NIBAN3: variants seen among roughly 807,000 people sequenced by gnomAD.
The protein encoded by NIBAN3 is niban apoptosis regulator 3.
In NIBAN3, 66 loss-of-function variants were observed where a neutral mutation model predicts 76.4. That is an observed-to-expected ratio of 0.86 (90% CI 0.71 to 1.06). The LOEUF is 1.06. Among genes scored for constraint, NIBAN3 ranks in the 50% least tolerant of loss-of-function variants. The probability of loss-of-function intolerance (pLI) is 0.00; values close to 1 mark genes in which losing one functional copy is unlikely to be tolerated. For missense variants in NIBAN3, 808 were observed against 810.7 expected, an observed-to-expected ratio of 1.00 and a Z score of 0.04; for synonymous variants, 360 against 355.2, an observed-to-expected ratio of 1.01 and a Z score of -0.15.
At chr19:17,550,297 C>T (rs761274726) in intron 14 of NIBAN3, among the ~76,000 whole-genome samples, 1 of 152,164 alleles carries the variant, frequency 6.6e-6, no homozygotes, top group Non-Finnish European at 1.5e-5. Context: ...CTAACTAATA[C>T]ACTTCCTAGC....
At chr19:17,551,253 G>A in intron 14 of NIBAN3, among the ~76,000 whole-genome samples, 1 of 151,256 alleles carries the variant, frequency 6.6e-6, no homozygotes, top group Admixed American at 6.6e-5. Flanking sequence ...CCACCACCAC[G>A]CCCGGCTACT....
Position 17,549,779 on chromosome 19 carries a change from G to C in NIBAN3, c.1750+252G>C, listed in dbSNP as rs923176237. 5 of 564,922 alleles carry C rather than the reference G, an allele frequency of 8.9e-6. No homozygotes were observed. The African/African-American group carries it at 9.4e-5, about 11-fold the overall frequency. 35.0% of individuals were successfully genotyped at this position (564,922 alleles called of 1,614,324 possible). On this transcript the variant is annotated intron_variant, in intron 14 of 14. Coordinates refer to ENST00000599164, the MANE Select transcript of NIBAN3 (RefSeq NM_001321827.2). ...ATGCATGTGAGCTCAGCCCTGGGGG[G>C]CTGAGATTGTGGTGAATTTGTGTCC...
chr19:17,555,493 C>A (rs1215719716), downstream of NIBAN3: 1 of 296,162 alleles, frequency 3.4e-6, no homozygotes, highest in Non-Finnish European at 5.7e-6. Flanking sequence ...GCGCTATGTG[C>A]CTTTAAGATC....
chr19:17,535,487 C>T (rs2075809094), intron 4 of NIBAN3, among the ~76,000 whole-genome samples: 1 of 152,080 alleles, frequency 6.6e-6, no homozygotes, highest in South Asian at 2.1e-4. Context: ...AACCTGGGTG[C>T]GGTGGCTCAT....
At chr19:17,530,477 G>A (rs2075698529) in intron 1 of NIBAN3, among the ~76,000 whole-genome samples, 1 of 144,308 alleles carries the variant, frequency 6.9e-6, no homozygotes, top group African/African-American at 2.6e-5. Context: ...AGGTTGCAGT[G>A]AGCTGAGATC....
intron 9 of NIBAN3, among the ~76,000 whole-genome samples, chr19:17,541,453 T>A (rs1396836822): frequency 6.6e-6 from 1 of 151,974 alleles, no homozygotes; most frequent in African/African-American, 2.4e-5. Context: ...CTCCCCTAAT[T>A]TGTAAGCAGA....
chr19:17,531,030 G>T, intron 2 of NIBAN3, 145 bp downstream of exon 2: 4 of 1,017,546 alleles, frequency 3.9e-6, no homozygotes, highest in Non-Finnish European at 5.4e-6. Flanking sequence ...CATTCACTGA[G>T]CAGCCAAGCA....
At chr19:17,526,353 G>A (rs925201688), upstream of NIBAN3, among the ~76,000 whole-genome samples, 1 of 151,468 alleles carries the variant, frequency 6.6e-6, no homozygotes, top group Non-Finnish European at 1.5e-5. Flanking sequence ...CACTTAAAAC[G>A]TGAAATATGC....
chr19:17,540,252 C>T, intron 8 of NIBAN3, 140 bp from the exon 9 acceptor site: 1 of 568,912 alleles, frequency 1.8e-6, no homozygotes, highest in Non-Finnish European at 2.8e-6. Context: ...CCCTCCGAGG[C>T]TCAGTTTTCT....
rs1019657009 is a variant in NIBAN3, at chr19:17,551,977, CTT to C, written c.*81_*82del. The C allele has an allele frequency of 9.8e-5, 65 of 664,564 alleles. No individual in the cohort carries two copies. In the African/African-American group the frequency reaches 1.1e-3, roughly 11 times the overall value. 41.2% of individuals were successfully genotyped at this position (664,564 alleles called of 1,614,324 possible). A position where few individuals can be genotyped will look rare whatever the true frequency, so the allele number is the denominator to read the frequency against. ...TTCTGGGCCAAAACGGATGTGCCAT[CTT>C]TAGGCTTTTGTAACCCCTGCAACTT... On this transcript the variant is annotated 3_prime_UTR_variant, in exon 15 of 15. Transcript: ENST00000599164.
intron 9 of NIBAN3, 110 bp downstream of exon 9, chr19:17,540,692 G>A (rs1172070628): frequency 1.2e-6 from 1 of 849,438 alleles, no homozygotes; most frequent in African/African-American, 1.8e-5. Flanking sequence ...TTTACTTATT[G>A]TGGACCCATC....
upstream of NIBAN3, among the ~76,000 whole-genome samples, chr19:17,526,545 G>C (rs1441453613): frequency 2.6e-5 from 4 of 151,906 alleles, no homozygotes; most frequent in Non-Finnish European, 5.9e-5. Flanking sequence ...CTACTCTGGA[G>C]GCTGAAGTGA....
rs1329470594 is a variant in NIBAN3, at chr19:17,533,707, G to T, written c.427+6G>T. ...TCTCTGCCCTGAATCCTTGGGTAAG[G>T]GTCCCGGGGTTCCCAGGAACAGGTT... On this transcript the variant is annotated splice_donor_region_variant and intron_variant, in intron 4 of 14. Transcript: ENST00000599164. 2 of 1,605,578 alleles carry T rather than the reference G, an allele frequency of 1.2e-6. No homozygotes were observed. Among genetic ancestry groups the T allele is most frequent in the Admixed American group, 3.3e-5 (2 of 59,952 alleles).
chr19:17,540,603 G>A, intron 9 of NIBAN3, 21 bp downstream of exon 9: 6 of 1,445,306 alleles, frequency 4.2e-6, no homozygotes, highest in South Asian at 1.4e-5. Flanking sequence ...GTGGGTAGGG[G>A]TTCAGTGAGC....
chr19:17,527,395 G>T lies in NIBAN3; in HGVS notation c.55G>T (p.Gly19Cys). Residue 19 changes from glycine (G) to cysteine (C), a missense_variant and splice_region_variant, in exon 1 of 15, where the codon GGT becomes TGT. Coordinates refer to ENST00000599164, the MANE Select transcript of NIBAN3 (RefSeq NM_001321827.2). Reference protein sequence around the residue: ...LDKQQRQHLRGQVDTLLRNFL... With the variant: ...LDKQQRQHLRCQVDTLLRNFL... ...CAAGCAGCAGCGGCAGCACCTAAGG[G>T]GTGAGCAGCCGGGGAGGGGACAGGG... 6.5e-7 allele frequency: 1 copy of T among 1,530,220 alleles called. No individual in the cohort carries two copies. Among genetic ancestry groups the T allele is most frequent in the Non-Finnish European group, 8.8e-7 (1 of 1,136,284 alleles). 94.8% of individuals were successfully genotyped at this position (1,530,220 alleles called of 1,614,324 possible). A position where few individuals can be genotyped will look rare whatever the true frequency, so the allele number is the denominator to read the frequency against.
In NIBAN3 at chr19:17,549,356, G is replaced by A. The variant is rs929131147; in HGVS notation, c.1667-88G>A. The A allele has an allele frequency of 3.3e-6, 3 of 912,514 alleles. No individual in the cohort carries two copies. In the Admixed American group the frequency reaches 6.6e-5, roughly 20 times the overall value. 56.5% of individuals were successfully genotyped at this position (912,514 alleles called of 1,614,324 possible). On this transcript the variant is annotated intron_variant, in intron 13 of 14. Transcript: ENST00000599164. ...CCACCTCTTTAGGATTTCTGCTTGA[G>A]ACATTTGTAGTCTCTCTGGGAAAAT... is the stretch of plus-strand genomic sequence containing the variant.
chr19:17,539,963 G>A (rs908651741), intron 8 of NIBAN3, among the ~76,000 whole-genome samples, 198 bp downstream of exon 8: 1 of 151,842 alleles, frequency 6.6e-6, no homozygotes, highest in Non-Finnish European at 1.5e-5. Flanking sequence ...GCGTGGTCTT[G>A]TGGTCGAGGC....
At chr19:17,545,063 C>T (rs531883185) in intron 12 of NIBAN3, among the ~76,000 whole-genome samples, 12 of 151,782 alleles carry the variant, frequency 7.9e-5, no homozygotes, top group East Asian at 5.8e-4. Flanking sequence ...CTTGGGAGGC[C>T]GAGGTGGGAG....
intron 4 of NIBAN3, 146 bp downstream of exon 4, chr19:17,533,847 A>G (rs2144694197): frequency 3.1e-6 from 2 of 638,482 alleles, no homozygotes; most frequent in East Asian, 2.8e-5. Flanking sequence ...CCCTGCCTGC[A>G]GCAGCCCCCA....
Sources: allele counts gnomAD v4.1 joint callset (sites outside exome capture counted in the v4.1 genomes callset), GRCh38; gene constraint gnomAD v4.1.1; transcripts MANE v1.5; gene names NCBI Gene and HGNC (gene_info 2026-07-23, HGNC 2026-07-21).